Variants in VPS13B observed in about 807,000 individuals in gnomAD.
VPS13B encodes the protein vacuolar protein sorting 13 homolog B, also known as intermembrane lipid transfer protein VPS13B.
Under a neutral mutation model 426.4 loss-of-function variants are expected in VPS13B, and 285 were observed. That is an observed-to-expected ratio of 0.67 (90% confidence interval 0.61 to 0.74). The LOEUF (loss-of-function observed/expected upper bound fraction) is 0.74. Ranked by LOEUF, VPS13B falls within the 30% of genes least tolerant of loss-of-function variation. The pLI is 0.00. For synonymous variants in VPS13B, 1,676 were observed against 1,676.4 expected (o/e 1.00, Z 0.01); for missense variants, 4,537 against 4,782.6 (o/e 0.95, Z 1.51).
intron 36 of VPS13B, among the ~76,000 whole-genome samples, chr8:99,715,162 T>C (rs1317353828): frequency 2.6e-5 from 4 of 152,158 alleles, no homozygotes; most frequent in Non-Finnish European, 4.4e-5. Flanking sequence ...AGCCTTTTTA[T>C]GTTACAGTGG....
intron 34 of VPS13B, among the ~76,000 whole-genome samples, chr8:99,642,797 A>T (rs893945501): frequency 6.6e-6 from 1 of 152,212 alleles, no homozygotes; most frequent in Non-Finnish European, 1.5e-5. Context: ...TTTGGAAAGC[A>T]TAGCTCGTTT....
intron 54 of VPS13B, among the ~76,000 whole-genome samples, chr8:99,848,568 A>G (rs1242264619): frequency 6.6e-6 from 1 of 152,188 alleles, no homozygotes; most frequent in Admixed American, 6.5e-5. Flanking sequence ...TATGAACCTT[A>G]CAGCTGAATA....
rs190988078 is a variant in VPS13B, at chr8:99,210,580, C to G, written c.2515+17523C>G. 3.7e-4 allele frequency among the ~76,000 whole-genome samples: 57 copies of G among 152,158 alleles called. 1 individual carries two copies. In the East Asian group the frequency reaches 8.7e-3, roughly 23 times the overall value. On this transcript the variant is annotated intron_variant, in intron 17 of 61. Transcript: ENST00000357162. Reference sequence around the variant, plus strand: ...GAATGTCTGGAAGTTGAACAATAAACTTACATTATAAGGTCTTGAAAAATA... The same window carrying G: ...GAATGTCTGGAAGTTGAACAATAAAGTTACATTATAAGGTCTTGAAAAATA...
Position 99,303,730 on chromosome 8 carries a change from C to CAAAAA in VPS13B, c.2824+28493_2824+28497dup, listed in dbSNP as rs58708195. Reference sequence around the variant, plus strand: ...GGTGAGACAGAGTGAGACTCCGTCTCAAAAAAAAAAAAAAAAAAAAAGAAT... The same window carrying CAAAAA: ...GGTGAGACAGAGTGAGACTCCGTCTCAAAAAAAAAAAAAAAAAAAAAAAAAAGAAT... On this transcript the variant is annotated intron_variant, in intron 19 of 61. Transcript: ENST00000357162. 6.4e-4 allele frequency among the ~76,000 whole-genome samples: 41 copies of CAAAAA among 63,708 alleles called. 9 individuals are homozygous for CAAAAA. The highest frequency in any genetic ancestry group is 8.5e-4 in the African/African-American group (12 of 14,134). The allele number at this position is 63,708 out of a possible 152,430, so 41.8% of individuals were successfully genotyped here.
intron 19 of VPS13B, among the ~76,000 whole-genome samples, chr8:99,279,559 A>G (rs766395267): frequency 6.6e-6 from 1 of 151,398 alleles, no homozygotes; most frequent in Non-Finnish European, 1.5e-5. Flanking sequence ...CTGTGCCCAG[A>G]CTCCCTTGTC....
At chr8:99,667,554 ACTT>A (rs1830538178) in intron 35 of VPS13B, among the ~76,000 whole-genome samples, 1 of 152,176 alleles carries the variant, frequency 6.6e-6, no homozygotes, top group African/African-American at 2.4e-5. Flanking sequence ...GCTGTGTGTG[ACTT>A]CTTCTAAAAC....
intron 2 of VPS13B, among the ~76,000 whole-genome samples, chr8:99,015,463 G>A (rs990702703): frequency 2.0e-5 from 3 of 151,184 alleles, no homozygotes; most frequent in Non-Finnish European, 4.4e-5. Flanking sequence ...TGATCCGCCC[G>A]CCTCAGCCTC....
intron 39 of VPS13B, among the ~76,000 whole-genome samples, chr8:99,754,590 GTC>G (rs1264127544): frequency 2.6e-5 from 4 of 152,072 alleles, no homozygotes; most frequent in Non-Finnish European, 5.9e-5. Flanking sequence ...CACTGAACAT[GTC>G]TATTTCATGC....
intron 32 of VPS13B, 48 bp downstream of exon 32, chr8:99,575,832 T>C (rs753710040): frequency 2.5e-5 from 39 of 1,586,370 alleles, no homozygotes; most frequent in Non-Finnish European, 3.1e-5. Context: ...ATGGAATTGC[T>C]CCTCTTTGTA....
At chr8:99,765,129 C>G (rs1344680459) in intron 39 of VPS13B, among the ~76,000 whole-genome samples, 1 of 152,000 alleles carries the variant, frequency 6.6e-6, no homozygotes, top group Non-Finnish European at 1.5e-5. Flanking sequence ...GCCTGTAATC[C>G]CAGCTACTCG....
rs1057516484 is a variant in VPS13B at position 99,818,485 on chromosome 8, G to C, written c.8396G>C (p.Trp2799Ser). 1 of 1,613,814 alleles carries C rather than the reference G, an allele frequency of 6.2e-7. No individual in the cohort carries two copies. The highest frequency in any genetic ancestry group is 8.5e-7 in the Non-Finnish European group (1 of 1,179,942). Residue 2799 changes from tryptophan to serine, a missense_variant, in exon 46 of 62, where the codon TGG (tryptophan) becomes TCG (serine). Coordinates refer to ENST00000357162, the MANE Select transcript of VPS13B (RefSeq NM_152564.5). ...TCAAACAGTTCCATTATTTATGTCT[G>C]GTGCACAGTTTTGACTTTAGAACCC... The part of the protein sequence containing the change: ...PSSNSSIIYV[W>S]CTVLTLEPNS...
intron 35 of VPS13B, among the ~76,000 whole-genome samples, chr8:99,662,692 C>T (rs1008692789): frequency 4.6e-5 from 7 of 152,110 alleles, no homozygotes; most frequent in Non-Finnish European, 8.8e-5. Flanking sequence ...AAGCAATCCG[C>T]CTGCCTCAGC....
chr8:99,169,186 G>C (rs1422924020), intron 15 of VPS13B, among the ~76,000 whole-genome samples: 1 of 151,922 alleles, frequency 6.6e-6, no homozygotes, highest in Non-Finnish European at 1.5e-5. Flanking sequence ...GATAAATGTT[G>C]AGATTAAGCT....
intron 19 of VPS13B, among the ~76,000 whole-genome samples, chr8:99,313,760 C>A (rs189298445): frequency 6.6e-6 from 1 of 152,182 alleles, no homozygotes; most frequent in African/African-American, 2.4e-5. Flanking sequence ...TGCCCTGTCC[C>A]CAGAGGTGGA....
chr8:99,553,610 A>G (rs765610851), intron 30 of VPS13B, among the ~76,000 whole-genome samples: 21 of 152,098 alleles, frequency 1.4e-4, no homozygotes, highest in Non-Finnish European at 2.4e-4. Flanking sequence ...CAAAATAGCT[A>G]AAGCACAGAG....
intron 56 of VPS13B, among the ~76,000 whole-genome samples, chr8:99,855,166 G>T (rs575650771): frequency 2.0e-5 from 3 of 152,096 alleles, no homozygotes; most frequent in East Asian, 1.9e-4. Flanking sequence ...ACTTGAGCAC[G>T]GGAGTTCAAG....
chr8:99,154,367 GT>G (rs1227768286), intron 14 of VPS13B, among the ~76,000 whole-genome samples: 3 of 150,274 alleles, frequency 2.0e-5, no homozygotes, highest in Non-Finnish European at 3.0e-5. Flanking sequence ...AATATTCCGG[GT>G]TTTTTTTTGG....
At chr8:99,353,435 T>G (rs1812007286) in intron 19 of VPS13B, among the ~76,000 whole-genome samples, 1 of 152,184 alleles carries the variant, frequency 6.6e-6, no homozygotes, top group African/African-American at 2.4e-5. Flanking sequence ...GAAACCTCAG[T>G]ATTCTAATCC....
chr8:99,321,272 G>GT (rs1809971499), intron 19 of VPS13B, among the ~76,000 whole-genome samples: 1 of 142,858 alleles, frequency 7.0e-6, no homozygotes, highest in Non-Finnish European at 1.5e-5. Context: ...GTGCAGTGGC[G>GT]TGATTTCAGC....
Sources: gnomAD v4.1 joint callset for allele counts (sites outside exome capture counted in the v4.1 genomes callset) on GRCh38, gnomAD v4.1.1 for gene constraint, MANE v1.5 for transcripts, NCBI Gene and HGNC (gene_info 2026-07-23, HGNC 2026-07-21) for gene names.